The following ROBO2 variants were observed in gnomAD, a reference collection of about 807,000 sequenced individuals.
ROBO2 encodes roundabout homolog 2.
Under a neutral mutation model 160.8 loss-of-function variants are expected in ROBO2, and 53 were observed. The observed-to-expected ratio is 0.33, with a 90% confidence interval of 0.26 to 0.41. The LOEUF (loss-of-function observed/expected upper bound fraction) is 0.41. Among genes scored for constraint, ROBO2 ranks in the 10% least tolerant of loss-of-function variants. The pLI is 1.00. For synonymous variants in ROBO2, 664 were observed against 611.7 expected (o/e 1.09, Z -1.26); for missense variants, 1,577 against 1,722.4 (o/e 0.92, Z 1.49).
At chr3:76,725,471 GAAGTGAT>G (rs2093536064) in intron 2 of ROBO2, among the ~76,000 whole-genome samples, 1 of 152,164 alleles carries the variant, frequency 6.6e-6, no homozygotes, top group East Asian at 1.9e-4. Flanking sequence ...CTAGGGATAG[GAAGTGAT>G]TATACTTGTC....
chr3:77,364,756 T>G (rs1240254752), intron 2 of ROBO2, among the ~76,000 whole-genome samples: 1 of 152,130 alleles, frequency 6.6e-6, no homozygotes. Flanking sequence ...AGCATGGTGT[T>G]GAGAGGAAAA....
At chr3:76,616,980 C>T (rs879868156) in intron 2 of ROBO2, among the ~76,000 whole-genome samples, 22 of 152,180 alleles carry the variant, frequency 1.4e-4, no homozygotes, top group Admixed American at 1.2e-3. Flanking sequence ...AGGTCACTGA[C>T]CTTAGCTACT....
At chr3:76,028,384 C>A (rs2066812322) in intron 2 of ROBO2, among the ~76,000 whole-genome samples, 1 of 151,740 alleles carries the variant, frequency 6.6e-6, no homozygotes, top group African/African-American at 2.4e-5. Flanking sequence ...AGTTATATAA[C>A]CTTTTTAGTA....
rs1049358104 is a variant in ROBO2 at position 77,057,664 on chromosome 3, T to C, written c.61+16818T>C. Reference sequence around the variant, plus strand: ...CGGCTCACTGCAACCTCTGCCTCCTTGGTTCAAGTGATTCTCATGCTTCAG... The same window carrying C: ...CGGCTCACTGCAACCTCTGCCTCCTCGGTTCAAGTGATTCTCATGCTTCAG... On this transcript the variant is annotated intron_variant, in intron 1 of 25. Coordinates refer to ENST00000461745, the Ensembl canonical transcript of ROBO2. 3.4e-5 allele frequency among the ~76,000 whole-genome samples: 5 copies of C among 147,220 alleles called. No individual in the cohort carries two copies. The East Asian group carries it at 1.0e-3, about 31-fold the overall frequency.
chr3:77,543,799 A>T (rs2092584499), intron 6 of ROBO2, among the ~76,000 whole-genome samples: 1 of 152,188 alleles, frequency 6.6e-6, no homozygotes, highest in African/African-American at 2.4e-5. Context: ...CTAAGGTTTT[A>T]CTAACTACTT....
At chr3:77,049,381 A>T (rs927256241) in intron 1 of ROBO2, among the ~76,000 whole-genome samples, 1 of 152,114 alleles carries the variant, frequency 6.6e-6, no homozygotes, top group Non-Finnish European at 1.5e-5. Context: ...AACCATAAAC[A>T]TCCATCTTTA....
chr3:77,024,070 C>T (rs1285165942), intron 2 of ROBO2, among the ~76,000 whole-genome samples: 2 of 152,098 alleles, frequency 1.3e-5, no homozygotes, highest in African/African-American at 2.4e-5. Context: ...ATGTGACAAA[C>T]ACATGTGAAG....
intron 1 of ROBO2, among the ~76,000 whole-genome samples, chr3:75,915,892 C>T (rs1434224483): frequency 6.6e-6 from 1 of 152,092 alleles, no homozygotes; most frequent in Non-Finnish European, 1.5e-5. Flanking sequence ...AAAATCTGAA[C>T]AATTTTTACT....
chr3:77,482,539 G>A (rs1209233333), intron 4 of ROBO2, among the ~76,000 whole-genome samples: 3 of 152,152 alleles, frequency 2.0e-5, no homozygotes, highest in Non-Finnish European at 2.9e-5. Flanking sequence ...GCAGCTTGAA[G>A]TCCCAAATGA....
chr3:77,598,783 G>A (rs9309775), intron 19 of ROBO2, among the ~76,000 whole-genome samples: 7,373 of 152,078 alleles, frequency 0.048, 242 homozygotes, highest in African/African-American at 0.093. Context: ...CTGCTCATCA[G>A]GAAACAAGAA....
chr3:76,267,873 TACC>T (rs1707191071), intron 2 of ROBO2, among the ~76,000 whole-genome samples: 2 of 152,162 alleles, frequency 1.3e-5, no homozygotes, highest in Non-Finnish European at 2.9e-5. Context: ...CTAACCTTTG[TACC>T]TCACATCCAC....
In ROBO2 at chr3:76,992,369, A is replaced by ATATATATATT. The variant is rs1491181246; in HGVS notation, c.110-105645_110-105644insTATATATATT. Among the ~76,000 whole-genome samples the ATATATATATT allele has an allele frequency of 3.6e-4, 11 of 30,238 alleles. 1 individual carries two copies. Among genetic ancestry groups the ATATATATATT allele is most frequent in the African/African-American group, 9.7e-4 (5 of 5,140 alleles). The allele number at this position is 30,238 out of a possible 152,430, so 19.8% of individuals were successfully genotyped here. Reference sequence around the variant, plus strand: ...TATATATATATATATATATATATATAAATTTAGCTTTTGTAAAAAAAAAGT... The same window carrying ATATATATATT: ...TATATATATATATATATATATATATATATATATATTAATTTAGCTTTTGTAAAAAAAAAGT... On this transcript the variant is annotated intron_variant, in intron 2 of 26. Coordinates refer to the ROBO2 transcript ENST00000487694.
At chr3:76,220,386 C>T (rs916370360) in intron 2 of ROBO2, among the ~76,000 whole-genome samples, 17 of 151,542 alleles carry the variant, frequency 1.1e-4, no homozygotes, top group African/African-American at 2.4e-4. Context: ...CAGTATTAAG[C>T]GGTGTGGTCT....
intron 2 of ROBO2, among the ~76,000 whole-genome samples, chr3:77,280,302 A>G (rs1360271038): frequency 6.6e-6 from 1 of 152,208 alleles, no homozygotes; most frequent in Non-Finnish European, 1.5e-5. Context: ...TACAGTATTT[A>G]TAGTTCAACT....
At chr3:76,563,393 G>T (rs1195475937) in intron 2 of ROBO2, among the ~76,000 whole-genome samples, 1 of 152,146 alleles carries the variant, frequency 6.6e-6, no homozygotes, top group Non-Finnish European at 1.5e-5. Flanking sequence ...CTCAAAACAT[G>T]TTTGATTGCT....
At chr3:76,252,184 T>A (rs1393522621) in intron 2 of ROBO2, among the ~76,000 whole-genome samples, 2 of 152,048 alleles carry the variant, frequency 1.3e-5, no homozygotes, top group African/African-American at 4.8e-5. Flanking sequence ...GTGAGTTAAC[T>A]GACCTCCATC....
At chr3:76,394,446 G>A (rs570286954) in intron 2 of ROBO2, among the ~76,000 whole-genome samples, 14 of 152,106 alleles carry the variant, frequency 9.2e-5, no homozygotes, top group South Asian at 2.1e-4. Context: ...GTTGAATATC[G>A]GCCCCCACTC....
At chr3:77,353,391 G>A (rs953642579) in intron 2 of ROBO2, among the ~76,000 whole-genome samples, 1 of 152,174 alleles carries the variant, frequency 6.6e-6, no homozygotes, top group Non-Finnish European at 1.5e-5. Flanking sequence ...ACCAAGGAGA[G>A]CTTTGGTCAA....
intron 2 of ROBO2, among the ~76,000 whole-genome samples, chr3:76,580,327 T>G (rs1560183147): frequency 4.4e-5 from 5 of 114,152 alleles, no homozygotes; most frequent in African/African-American, 6.3e-5. Flanking sequence ...GTTTTTTTTT[T>G]GTTTTTTTTT....
Sources: allele counts gnomAD v4.1 joint callset (sites outside exome capture counted in the v4.1 genomes callset), GRCh38; gene constraint gnomAD v4.1.1; transcripts MANE v1.5; gene names NCBI Gene and HGNC (gene_info 2026-07-23, HGNC 2026-07-21).